Variants in NUP205 observed in about 807,000 individuals in gnomAD.
NUP205 encodes nucleoporin 205.
A neutral mutation model predicts 253.8 loss-of-function variants in NUP205; 76 were observed. The observed-to-expected ratio is 0.30, with a 90% confidence interval of 0.25 to 0.36. The LOEUF (loss-of-function observed/expected upper bound fraction) is 0.36. NUP205 is among the 10% of genes least tolerant of loss of function. The pLI, the probability that NUP205 is intolerant of heterozygous loss-of-function variation, is 1.00. For synonymous variants in NUP205, 832 were observed against 850.1 expected (o/e 0.98, Z 0.37); for missense variants, 2,162 against 2,425.5 (o/e 0.89, Z 2.28).
intron 1 of NUP205, among the ~76,000 whole-genome samples, chr7:135,563,313 T>G (rs1022869588): frequency 9.4e-4 from 142 of 151,602 alleles, no homozygotes; most frequent in African/African-American, 3.2e-3. Flanking sequence ...TCAGCCTCCC[T>G]AGCAGCTGGG....
chr7:135,561,882 C>G (rs1440293886), intron 1 of NUP205, among the ~76,000 whole-genome samples: 1 of 151,408 alleles, frequency 6.6e-6, no homozygotes, highest in African/African-American at 2.4e-5. Flanking sequence ...TCATGGACTC[C>G]ATCTCCTTCC....
At chr7:135,583,189 C>T (rs1806356795) in intron 7 of NUP205, among the ~76,000 whole-genome samples, 1 of 152,106 alleles carries the variant, frequency 6.6e-6, no homozygotes, top group Admixed American at 6.6e-5. Context: ...TGGCCCTTTT[C>T]AAGGCAATGA....
chr7:135,642,872 G>C (rs1176382830), intron 38 of NUP205, among the ~76,000 whole-genome samples: 1 of 141,056 alleles, frequency 7.1e-6, no homozygotes, highest in Non-Finnish European at 1.6e-5. Flanking sequence ...GTGTGTGTGT[G>C]TGTGTGTGTA....
At chr7:135,645,722 T>G (rs1253979375) in intron 41 of NUP205, 126 bp downstream of exon 41, 3 of 869,666 alleles carry the variant, frequency 3.4e-6, no homozygotes, top group Admixed American at 2.7e-5. Flanking sequence ...AAGAGCTGTT[T>G]AGTCACTAGA....
At chr7:135,632,200 A>G (rs991791227) in intron 35 of NUP205, among the ~76,000 whole-genome samples, 4 of 152,192 alleles carry the variant, frequency 2.6e-5, no homozygotes. Flanking sequence ...TAGAATATGT[A>G]ATATAAATGA....
chr7:135,647,958 T>A (rs981841462), intron 42 of NUP205, among the ~76,000 whole-genome samples: 5 of 152,080 alleles, frequency 3.3e-5, no homozygotes, highest in Non-Finnish European at 7.4e-5. Context: ...TGCAAGTGGG[T>A]TTTTAAAAAT....
intron 29 of NUP205, 22 bp from the exon 30 acceptor site, chr7:135,619,768 G>C (rs1456571093): frequency 6.3e-7 from 1 of 1,596,900 alleles, no homozygotes; most frequent in Non-Finnish European, 8.5e-7. Flanking sequence ...ATTTTCATTT[G>C]ACATCTTCCT....
At chr7:135,588,947 A>G (rs1395883003) in intron 10 of NUP205, among the ~76,000 whole-genome samples, 1 of 151,118 alleles carries the variant, frequency 6.6e-6, no homozygotes, top group Non-Finnish European at 1.5e-5. Flanking sequence ...TGGGAAGCTG[A>G]GGTGGGAAGA....
chr7:135,570,682 A>ATATATATATATATTAATTATATTTATAT (rs1563109886), intron 1 of NUP205, among the ~76,000 whole-genome samples: 3 of 87,052 alleles, frequency 3.4e-5, no homozygotes, highest in Admixed American at 2.3e-4. Context: ...AATATATATT[A>ATATATATATATATTAATTATATTTATAT]ATTATATTAA....
Position 135,645,357 on chromosome 7 carries a change from G to A in NUP205, c.5684-111G>A, listed in dbSNP as rs1794986221. ...AGACCCTGTCTGTTAGACTGAGGCT[G>A]TGGGTACCTCATTAAGTGAGTGCAG... is the stretch of plus-strand genomic sequence containing the variant. On this transcript the variant is annotated intron_variant, in intron 40 of 42. Transcript: ENST00000285968. The A allele has an allele frequency of 2.7e-6, 3 of 1,098,686 alleles. No individual in the cohort carries two copies. In the Admixed American group the frequency reaches 6.5e-5, roughly 24 times the overall value. 68.1% of individuals were successfully genotyped at this position (1,098,686 alleles called of 1,614,324 possible). A position where few individuals can be genotyped will look rare whatever the true frequency, so the allele number is the denominator to read the frequency against.
At chr7:135,607,398 A>C in intron 22 of NUP205, 27 bp downstream of exon 22, 1 of 1,609,038 alleles carries the variant, frequency 6.2e-7, no homozygotes, top group Non-Finnish European at 8.5e-7. Flanking sequence ...GTTTTGTGGT[A>C]CTGAATAGAA....
intron 33 of NUP205, 36 bp downstream of exon 33, chr7:135,626,397 C>A: frequency 6.3e-7 from 1 of 1,587,586 alleles, no homozygotes; most frequent in South Asian, 1.2e-5. Context: ...GTTAAACTCC[C>A]AGTAAAGGAT....
In NUP205 at chr7:135,563,696, T is replaced by C. The variant is rs1231670150; in HGVS notation, c.28+5724T>C. Among the ~76,000 whole-genome samples, 3 of 152,054 alleles carry C rather than the reference T, an allele frequency of 2.0e-5. No homozygotes were observed. The East Asian group carries it at 5.8e-4, about 29-fold the overall frequency. ...ATTTTGAAAAATTTATAGTGTCCCT[T>C]CATTTGTAATCAGTAAAAAAGATAT... On this transcript the variant is annotated intron_variant, in intron 1 of 42. Transcript: ENST00000285968.
intron 37 of NUP205, 127 bp from the exon 38 acceptor site, chr7:135,638,430 A>AAAAGAAT: frequency 2.3e-6 from 2 of 882,330 alleles, no homozygotes; most frequent in South Asian, 1.8e-5. Context: ...AAAAAAAAAA[A>AAAAGAAT]AAGAATACAC....
chr7:135,562,473 T>C (rs1805613036), intron 1 of NUP205, among the ~76,000 whole-genome samples: 1 of 151,292 alleles, frequency 6.6e-6, no homozygotes, highest in Admixed American at 6.6e-5. Context: ...GCTGGGGTTA[T>C]AGGCATGAGC....
chr7:135,601,428 T>C lies in NUP205; in HGVS notation c.2433T>C (p.Asn811=). 1.2e-6 allele frequency: 2 copies of C among 1,613,594 alleles called. No individual in the cohort carries two copies. The highest frequency in any genetic ancestry group is 8.5e-7 in the Non-Finnish European group (1 of 1,179,518). Residue 811 remains asparagine (N), a synonymous_variant, in exon 17 of 43, where the codon AAT becomes AAC. Transcript: ENST00000285968. The part of the protein sequence containing the change: ...PGFSLMYHLL[N]ESPMLELALS... ...TTAGTCTGATGTATCATCTGCTGAATGAGTCACCAATGTTGGAGCTTGCTC... is the reference window on the plus strand; with the variant it reads ...TTAGTCTGATGTATCATCTGCTGAACGAGTCACCAATGTTGGAGCTTGCTC...
At position 135,587,637 on chromosome 7, in the gene NUP205, G is replaced by A. The variant is rs1806506064; in HGVS notation, c.1281G>A (p.Met427Ile). ...DARMIHMSMQ[M>I]GNEPPISLRR... Reference sequence around the variant, plus strand: ...GAATGATTCACATGAGTATGCAGATGGGTAATGAACCCCCCATTTCACTTA... The same window carrying A: ...GAATGATTCACATGAGTATGCAGATAGGTAATGAACCCCCCATTTCACTTA... The change falls in exon 9 of 43, where the codon ATG (methionine) becomes ATA (isoleucine). Residue 427 changes from methionine (M) to isoleucine (I), a missense_variant. By Grantham distance (10) the Met-to-Ile change is conservative. Coordinates refer to ENST00000285968, the MANE Select transcript of NUP205 (RefSeq NM_015135.3). 1 of 1,611,590 alleles carries A rather than the reference G, an allele frequency of 6.2e-7. No homozygotes were observed. The highest frequency in any genetic ancestry group is 1.3e-5 in the African/African-American group (1 of 74,942).
chr7:135,602,478 G>A (rs57263269), intron 17 of NUP205, among the ~76,000 whole-genome samples: 5,167 of 152,266 alleles, frequency 0.034, 119 homozygotes, highest in Middle Eastern at 0.1. Flanking sequence ...AATGTGCCCT[G>A]GGGCTCAGCC....
intron 35 of NUP205, among the ~76,000 whole-genome samples, chr7:135,632,331 G>A (rs1235074841): frequency 6.6e-6 from 1 of 152,184 alleles, no homozygotes; most frequent in Non-Finnish European, 1.5e-5. Flanking sequence ...ACATTTTACA[G>A]CTGAGGAGGC....
Sources: allele counts gnomAD v4.1 joint callset (sites outside exome capture counted in the v4.1 genomes callset), GRCh38; gene constraint gnomAD v4.1.1; transcripts MANE v1.5; gene names NCBI Gene and HGNC (gene_info 2026-07-23, HGNC 2026-07-21).